NRG3: variants seen among roughly 807,000 people sequenced by gnomAD.
The protein encoded by NRG3 is pro-neuregulin-3, membrane-bound isoform.
NRG3 carries 31 observed loss-of-function variants against 66.9 expected under a neutral mutation model. The observed-to-expected ratio is 0.46, with a 90% confidence interval of 0.35 to 0.63. The LOEUF (loss-of-function observed/expected upper bound fraction) is 0.63, where lower values mean the gene tolerates loss of function less well. NRG3 is among the 20% of genes least tolerant of loss of function. The probability of loss-of-function intolerance (pLI) is 0.00; values close to 1 mark genes in which losing one functional copy is unlikely to be tolerated. For missense variants in NRG3, 910 were observed against 878.9 expected, an observed-to-expected ratio of 1.04 and a Z score of -0.45; for synonymous variants, 393 against 359.4, an observed-to-expected ratio of 1.09 and a Z score of -1.06.
At chr10:82,827,702 C>T (rs768712826) in intron 3 of NRG3, among the ~76,000 whole-genome samples, 3 of 152,086 alleles carry the variant, frequency 2.0e-5, no homozygotes, top group Non-Finnish European at 2.9e-5. Context: ...ACCAAAACAA[C>T]GGTTAATTCA....
intron 1 of NRG3, among the ~76,000 whole-genome samples, chr10:81,958,080 A>G (rs564027232): frequency 7.9e-5 from 12 of 152,316 alleles, no homozygotes; most frequent in African/African-American, 2.6e-4. Context: ...ACTTTGACAC[A>G]TACTACAGCA....
intron 2 of NRG3, among the ~76,000 whole-genome samples, chr10:82,527,761 A>C (rs1052266385): frequency 1.6e-4 from 24 of 152,168 alleles, no homozygotes; most frequent in Middle Eastern, 6.8e-3. Flanking sequence ...ATCTCACTCT[A>C]CTTGATCTTA....
At chr10:81,877,270 C>G (rs965516314) in intron 1 of NRG3, among the ~76,000 whole-genome samples, 1 of 152,150 alleles carries the variant, frequency 6.6e-6, no homozygotes, top group Non-Finnish European at 1.5e-5. Context: ...TCTCAGGTGT[C>G]TTTTAAGCTG....
chr10:82,346,479 G>A (rs1203887100), intron 1 of NRG3, among the ~76,000 whole-genome samples: 3 of 149,924 alleles, frequency 2.0e-5, no homozygotes, highest in Non-Finnish European at 3.0e-5. Context: ...GTATTTTATT[G>A]AGGATTTTTG....
At chr10:82,088,822 T>C (rs2065869831) in intron 1 of NRG3, among the ~76,000 whole-genome samples, 1 of 152,142 alleles carries the variant, frequency 6.6e-6, no homozygotes, top group Non-Finnish European at 1.5e-5. Flanking sequence ...ATTTCAATTT[T>C]AGTCATAAAC....
intron 4 of NRG3, among the ~76,000 whole-genome samples, chr10:82,906,744 T>A (rs1248175716): frequency 7.7e-6 from 1 of 129,146 alleles, no homozygotes; most frequent in South Asian, 2.3e-4. Flanking sequence ...ACACCAACAT[T>A]TTTTTTTCAT....
intron 2 of NRG3, among the ~76,000 whole-genome samples, chr10:82,431,233 A>G (rs906972936): frequency 1.3e-5 from 2 of 152,164 alleles, no homozygotes; most frequent in African/African-American, 4.8e-5. Context: ...CTTTTCCATG[A>G]GGAAAAGCCA....
chr10:82,129,192 C>T (rs1047535957), intron 1 of NRG3, among the ~76,000 whole-genome samples: 9 of 151,914 alleles, frequency 5.9e-5, no homozygotes, highest in South Asian at 4.2e-4. Context: ...GGATTACAGG[C>T]ATAAGCCACT....
At chr10:82,601,849 A>T (rs1485270424) in intron 2 of NRG3, among the ~76,000 whole-genome samples, 5 of 143,698 alleles carry the variant, frequency 3.5e-5, no homozygotes, top group African/African-American at 1.3e-4. Flanking sequence ...CATCTCTGCT[A>T]AAAAAAAAAA....
chr10:82,678,349 C>G (rs1471417486), intron 2 of NRG3, among the ~76,000 whole-genome samples: 1 of 151,912 alleles, frequency 6.6e-6, no homozygotes, highest in Admixed American at 6.5e-5. Context: ...AGGAAAATTA[C>G]AGTCAAAGGG....
intron 1 of NRG3, among the ~76,000 whole-genome samples, chr10:82,122,392 G>A (rs1225107427): frequency 1.3e-5 from 2 of 152,136 alleles, no homozygotes; most frequent in Non-Finnish European, 2.9e-5. Flanking sequence ...ACAGATGCAT[G>A]AGTTAGCATG....
rs372307575 is a variant in NRG3 at position 82,303,094 on chromosome 10, CT to C, written c.824-55644del. Among the ~76,000 whole-genome samples the C allele has an allele frequency of 6.1e-3, 923 of 152,226 alleles. 11 individuals are homozygous for C. The highest frequency in any genetic ancestry group is 0.018 in the African/African-American group (733 of 41,526). On this transcript the variant is annotated intron_variant, in intron 1 of 8. Transcript: ENST00000372141. ...TCTCTACTATTAGATGGAAATATCT[CT>C]ATTTTCTTCACCAAATACTTTCAAG...
intron 2 of NRG3, among the ~76,000 whole-genome samples, chr10:82,472,270 A>G (rs771626134): frequency 3.5e-4 from 54 of 152,302 alleles, no homozygotes; most frequent in Non-Finnish European, 6.5e-4. Flanking sequence ...ATGTGTGCCT[A>G]TTCCATGTAG....
At chr10:82,810,802 G>A (rs2061462962) in intron 3 of NRG3, among the ~76,000 whole-genome samples, 1 of 151,296 alleles carries the variant, frequency 6.6e-6, no homozygotes, top group Admixed American at 6.6e-5. Context: ...CTGAGGGTGT[G>A]AACTAGGTCG....
Position 82,321,226 on chromosome 10 carries a change from C to G in NRG3, c.824-37513C>G, listed in dbSNP as rs369485608. On this transcript the variant is annotated intron_variant, in intron 1 of 8. Coordinates refer to ENST00000372141, the MANE Select transcript of NRG3 (RefSeq NM_001010848.4). ...GGCTCCTGCCTGTCTGTGTGCTCCC[C>G]CTCCAGTAAAGGGTTTGAGCGCATG... 1.7e-3 allele frequency among the ~76,000 whole-genome samples: 257 copies of G among 152,144 alleles called. 1 individual carries two copies. Among genetic ancestry groups the G allele is most frequent in the African/African-American group, 5.0e-3 (209 of 41,504 alleles).
rs1172312731 is a variant in NRG3 at position 82,636,769 on chromosome 10, GAA to G, written c.954-101807_954-101806del. 2.6e-5 allele frequency among the ~76,000 whole-genome samples: 4 copies of G among 151,920 alleles called. No homozygotes were observed. In the South Asian group the frequency reaches 8.4e-4, roughly 32 times the overall value. ...TTCTTTGAGTATATACCCAGAAGAG[GAA>G]TTGCTGGGTCATATGGTAACTCTGT... On this transcript the variant is annotated intron_variant, in intron 2 of 8. Coordinates refer to ENST00000372141, the MANE Select transcript of NRG3 (RefSeq NM_001010848.4).
chr10:81,956,467 T>G (rs1386975378), intron 1 of NRG3, among the ~76,000 whole-genome samples: 1 of 152,196 alleles, frequency 6.6e-6, no homozygotes, highest in East Asian at 1.9e-4. Flanking sequence ...CCTTAAACTT[T>G]GAGTAATTTG....
intron 1 of NRG3, among the ~76,000 whole-genome samples, chr10:82,157,158 G>T (rs971009119): frequency 3.3e-5 from 5 of 151,652 alleles, no homozygotes; most frequent in Admixed American, 1.3e-4. Flanking sequence ...ACAGGGAAAT[G>T]AAGTATATTT....
chr10:82,781,542 C>G (rs1316729932), intron 3 of NRG3, among the ~76,000 whole-genome samples: 2 of 152,124 alleles, frequency 1.3e-5, no homozygotes, highest in African/African-American at 4.8e-5. Context: ...CATCACTAGT[C>G]TGCTTTTTCT....
Sources: gnomAD v4.1 joint callset for allele counts (sites outside exome capture counted in the v4.1 genomes callset) on GRCh38, gnomAD v4.1.1 for gene constraint, MANE v1.5 for transcripts, NCBI Gene and HGNC (gene_info 2026-07-23, HGNC 2026-07-21) for gene names.